WLS: variants seen among roughly 807,000 people sequenced by gnomAD.
The protein encoded by WLS is Wnt ligand secretion mediator.
A neutral mutation model predicts 62.8 loss-of-function variants in WLS; 23 were observed. The observed-to-expected ratio is 0.37, with a 90% CI of 0.26 to 0.52. The LOEUF (loss-of-function observed/expected upper bound fraction) is 0.52. Ranked by LOEUF, WLS falls within the 20% of genes least tolerant of loss-of-function variation. The pLI is 0.92. For synonymous variants in WLS, 246 were observed against 244.1 expected (o/e 1.01, Z -0.07); for missense variants, 615 against 697.3 (o/e 0.88, Z 1.33).
At chr1:68,110,427 AAAG>A (rs1646209750) in intron 11 of WLS, among the ~76,000 whole-genome samples, 1 of 150,592 alleles carries the variant, frequency 6.6e-6, no homozygotes, top group Non-Finnish European at 1.5e-5. Flanking sequence ...ATTTTTCTGC[AAAG>A]AAAATAAAAG....
rs572058627 is a variant in WLS, at chr1:68,133,533, A to C, written c.1516+4247T>G. Among the ~76,000 whole-genome samples, 8 of 152,340 alleles carry C rather than the reference A, an allele frequency of 5.3e-5. No individual in the cohort carries two copies. The South Asian group carries it at 1.7e-3, about 32-fold the overall frequency. On this transcript the variant is annotated intron_variant, in intron 11 of 11. Coordinates refer to ENST00000262348, the MANE Select transcript of WLS (RefSeq NM_024911.7). ...TCTCATTCAAGATGGCACAAGGCTA[A>C]GTACTAAGGAACTAAGGTATGAGGT...
intron 1 of WLS, among the ~76,000 whole-genome samples, chr1:68,211,346 AT>A (rs1649507698): frequency 6.6e-6 from 1 of 151,960 alleles, no homozygotes; most frequent in Non-Finnish European, 1.5e-5. Context: ...TGCTAAAAAA[AT>A]GACAGGTTTT....
chr1:68,153,967 A>G lies in WLS; in HGVS notation c.667-314T>C, dbSNP rs1646862079. 2.0e-5 allele frequency among the ~76,000 whole-genome samples: 3 copies of G among 152,134 alleles called. 1 individual carries two copies. In the South Asian group the frequency reaches 6.2e-4, roughly 32 times the overall value. The stretch of plus-strand genomic sequence containing the variant: ...CATGGGGCTTTGGGGCAGGGTCACT[A>G]TTTCCAAGAGACTTCGAATTATCTT... On this transcript the variant is annotated intron_variant, in intron 4 of 11. Transcript: ENST00000262348.
chr1:68,213,908 A>G (rs1279943279), intron 1 of WLS, among the ~76,000 whole-genome samples: 1 of 152,162 alleles, frequency 6.6e-6, no homozygotes, highest in African/African-American at 2.4e-5. Context: ...AGATGTCCCA[A>G]AGAAACCTCG....
intron 1 of WLS, among the ~76,000 whole-genome samples, chr1:68,230,588 C>CGCGTGTGTGTGTGTGTGTGTGT (rs1553139180): frequency 6.7e-6 from 1 of 149,050 alleles, no homozygotes; most frequent in Admixed American, 6.7e-5. Flanking sequence ...TGTGTGCGCG[C>CGCGTGTGTGTGTGTGTGTGTGT]GTGTGTGTGT....
At chr1:68,216,155 A>AT (rs1191353475) in intron 1 of WLS, among the ~76,000 whole-genome samples, 1 of 152,182 alleles carries the variant, frequency 6.6e-6, no homozygotes, top group Non-Finnish European at 1.5e-5. Flanking sequence ...AGTAGTTCAT[A>AT]TTTTTTAAAA....
chr1:68,194,571 T>C (rs1648558840), intron 1 of WLS, among the ~76,000 whole-genome samples: 1 of 152,206 alleles, frequency 6.6e-6, no homozygotes. Context: ...GCTCTGGTGC[T>C]TCATAGAGAA....
At position 68,212,560 on chromosome 1, in the gene WLS, A is replaced by G. The variant is rs937488695; in HGVS notation, c.107-18333T>C. Among the ~76,000 whole-genome samples, 7 of 152,304 alleles carry G rather than the reference A, an allele frequency of 4.6e-5. No individual in the cohort carries two copies. The East Asian group carries it at 1.3e-3, about 29-fold the overall frequency. ...ACACTACCAGATCGGGAGTTGACAT[A>G]ATGCACATAAAATACTTAATACATT... On this transcript the variant is annotated intron_variant, in intron 1 of 11. Coordinates refer to ENST00000262348, the MANE Select transcript of WLS (RefSeq NM_024911.7).
In WLS at chr1:68,126,288, T is replaced by C; in HGVS notation, c.1564A>G (p.Ile522Val). 1 of 1,612,234 alleles carries C rather than the reference T, an allele frequency of 6.2e-7. No homozygotes were observed. The highest frequency in any genetic ancestry group is 8.5e-7 in the Non-Finnish European group (1 of 1,179,356). The change falls in exon 12 of 12, where the codon ATC (isoleucine) becomes GTC (valine). Residue 522 changes from isoleucine (I) to valine (V), a missense_variant. Coordinates refer to ENST00000262348, the MANE Select transcript of WLS (RefSeq NM_024911.7). ...SGEELQLTTT[I>V]THVDGPTEIY... ...TCAGTGGGTCCGTCCACATGGGTGA[T>C]AGTGGTGGTGAGCTGGAGTTCTTCC...
chr1:68,152,519 T>C lies in WLS; in HGVS notation c.803+998A>G, dbSNP rs138536838. Among the ~76,000 whole-genome samples, 92 of 152,164 alleles carry C rather than the reference T, an allele frequency of 6.0e-4. 1 individual carries two copies. Among genetic ancestry groups the C allele is most frequent in the African/African-American group, 1.9e-3 (78 of 41,504 alleles). On this transcript the variant is annotated intron_variant, in intron 5 of 11. Transcript: ENST00000262348. ...TGGGAAGAAAAACTGATCAATTATGTCAGATGCTGGGATGAATAAAAAAAA... is the reference window on the plus strand; with the variant it reads ...TGGGAAGAAAAACTGATCAATTATGCCAGATGCTGGGATGAATAAAAAAAA...
intron 11 of WLS, among the ~76,000 whole-genome samples, chr1:68,110,269 G>C (rs973124870): frequency 2.8e-4 from 42 of 151,784 alleles, no homozygotes; most frequent in African/African-American, 1.0e-3. Flanking sequence ...TGCCAAAAGA[G>C]ATAGCAAGAA....
chr1:68,166,544 C>A (rs1449109796), intron 2 of WLS, among the ~76,000 whole-genome samples: 1 of 152,186 alleles, frequency 6.6e-6, no homozygotes. Context: ...CTGGTGAAAA[C>A]AAACAAACAC....
At position 68,126,043 on chromosome 1, in the gene WLS, A is replaced by C; in HGVS notation, c.*183T>G. 5 of 1,433,998 alleles carry C rather than the reference A, an allele frequency of 3.5e-6. No homozygotes were observed. Among genetic ancestry groups the C allele is most frequent in the Non-Finnish European group, 4.6e-6 (5 of 1,090,688 alleles). The allele number at this position is 1,433,998 out of a possible 1,614,324, so 88.8% of individuals were successfully genotyped here. ...ACACAATGCATTAGTGGCTGCAGGA[A>C]TCTTCCTCCAAAAGCTACCGTCAGA... is the stretch of plus-strand genomic sequence containing the variant. On this transcript the variant is annotated 3_prime_UTR_variant, in exon 12 of 12. Coordinates refer to ENST00000262348, the MANE Select transcript of WLS (RefSeq NM_024911.7).
At chr1:68,184,732 C>A (rs894022457) in intron 2 of WLS, among the ~76,000 whole-genome samples, 1 of 152,158 alleles carries the variant, frequency 6.6e-6, no homozygotes, top group African/African-American at 2.4e-5. Context: ...TAGCAAAAAG[C>A]CAGCACTGAC....
At chr1:68,123,910 T>G (rs114435353), downstream of WLS, among the ~76,000 whole-genome samples, 272 of 152,210 alleles carry the variant, frequency 1.8e-3, no homozygotes, top group African/African-American at 6.1e-3. Context: ...CTTCCATGGA[T>G]CTCTCATATA....
chr1:68,106,492 G>GC (rs1290981657), intron 11 of WLS, among the ~76,000 whole-genome samples: 1 of 152,196 alleles, frequency 6.6e-6, no homozygotes, highest in African/African-American at 2.4e-5. Context: ...AGGTCTGGGA[G>GC]CCCCACAGAG....
chr1:68,186,665 C>T (rs1319115364), intron 2 of WLS: 1 of 455,900 alleles, frequency 2.2e-6, no homozygotes, highest in Non-Finnish European at 4.4e-6. Context: ...AGAAAGGAAT[C>T]CAAAGTAATG....
intron 9 of WLS, among the ~76,000 whole-genome samples, chr1:68,145,520 A>G (rs1163420775): frequency 6.6e-6 from 1 of 152,092 alleles, no homozygotes; most frequent in African/African-American, 2.4e-5. Flanking sequence ...CTGGGACAGA[A>G]CTTTGACTAA....
At chr1:68,141,077 T>C (rs1222737690) in intron 10 of WLS, among the ~76,000 whole-genome samples, 1 of 152,084 alleles carries the variant, frequency 6.6e-6, no homozygotes, top group Non-Finnish European at 1.5e-5. Flanking sequence ...TTGAACAATT[T>C]ACTTTTGTGT....
Sources: allele counts gnomAD v4.1 joint callset (sites outside exome capture counted in the v4.1 genomes callset), GRCh38; gene constraint gnomAD v4.1.1; transcripts MANE v1.5; gene names NCBI Gene and HGNC (gene_info 2026-07-23, HGNC 2026-07-21).